MYO3B: variants seen among roughly 807,000 people sequenced by gnomAD.
MYO3B encodes myosin IIIB, also known as myosin-IIIb.
A neutral mutation model predicts 174.6 loss-of-function variants in MYO3B; 156 were observed. The observed-to-expected ratio is 0.89, with a 90% CI of 0.78 to 1.02. MYO3B has a LOEUF of 1.02. Among genes scored for constraint, MYO3B ranks in the 50% least tolerant of loss-of-function variants. MYO3B has a pLI of 0.00. For synonymous variants in MYO3B, 563 were observed against 569.1 expected (o/e 0.99, Z 0.15); for missense variants, 1,632 against 1,639.4 (o/e 1.00, Z 0.08).
At chr2:170,262,779 C>G (rs2093355014) in intron 7 of MYO3B, among the ~76,000 whole-genome samples, 1 of 152,156 alleles carries the variant, frequency 6.6e-6, no homozygotes, top group African/African-American at 2.4e-5. Context: ...CATCTTTGCT[C>G]ACTCCTTTGT....
intron 22 of MYO3B, among the ~76,000 whole-genome samples, chr2:170,434,558 C>T (rs772442077): frequency 6.6e-6 from 1 of 151,968 alleles, no homozygotes; most frequent in African/African-American, 2.4e-5. Context: ...AAGAGAATGA[C>T]GGGTGAGTGC....
intron 1 of MYO3B, among the ~76,000 whole-genome samples, chr2:170,187,275 C>A (rs1463217134): frequency 6.6e-6 from 1 of 151,794 alleles, no homozygotes; most frequent in Non-Finnish European, 1.5e-5. Context: ...CTCTGTTTCC[C>A]AGCCTGTAGT....
At position 170,219,997 on chromosome 2, in the gene MYO3B, A is replaced by G. The variant is rs6750324; in HGVS notation, c.603+2602A>G. Among the ~76,000 whole-genome samples the G allele has an allele frequency of 8.4e-3, 1,282 of 152,132 alleles. 16 individuals are homozygous for G. Among genetic ancestry groups the G allele is most frequent in the African/African-American group, 0.024 (998 of 41,502 alleles). ...TTTGTGGCCGGGTGTGGTGGCTCAT[A>G]CCTGTAATCCCAGCACTTTGGGAGG... On this transcript the variant is annotated intron_variant, in intron 6 of 34. Transcript: ENST00000408978.
At chr2:170,515,788 G>A (rs2106127510) in intron 29 of MYO3B, among the ~76,000 whole-genome samples, 1 of 152,156 alleles carries the variant, frequency 6.6e-6, no homozygotes, top group Admixed American at 6.5e-5. Flanking sequence ...TAGGCAGAGA[G>A]TCTCTGGGTA....
At chr2:170,256,441 A>G (rs1358914655) in intron 7 of MYO3B, among the ~76,000 whole-genome samples, 4 of 152,228 alleles carry the variant, frequency 2.6e-5, no homozygotes, top group Non-Finnish European at 5.9e-5. Context: ...GGACTTCTCA[A>G]CAGATATCTT....
Position 170,221,020 on chromosome 2 carries a change from A to G in MYO3B, c.603+3625A>G, listed in dbSNP as rs535544733. Among the ~76,000 whole-genome samples the G allele has an allele frequency of 2.6e-5, 4 of 152,316 alleles. No homozygotes were observed. The South Asian group carries it at 8.3e-4, about 32-fold the overall frequency. Reference sequence around the variant, plus strand: ...CTCCATAGGAATGTCCACAAGAACAACCTTCCATTTTTCAATTCAATTCAA... The same window carrying G: ...CTCCATAGGAATGTCCACAAGAACAGCCTTCCATTTTTCAATTCAATTCAA... On this transcript the variant is annotated intron_variant, in intron 6 of 34. Coordinates refer to ENST00000408978, the MANE Select transcript of MYO3B (RefSeq NM_138995.5).
At chr2:170,222,606 T>C (rs1434365240) in intron 6 of MYO3B, among the ~76,000 whole-genome samples, 3 of 152,148 alleles carry the variant, frequency 2.0e-5, no homozygotes, top group African/African-American at 7.2e-5. Flanking sequence ...TCTTCACATG[T>C]CCATGACTTC....
At chr2:170,257,509 G>A (rs1173013544) in intron 7 of MYO3B, among the ~76,000 whole-genome samples, 1 of 151,946 alleles carries the variant, frequency 6.6e-6, no homozygotes, top group Non-Finnish European at 1.5e-5. Flanking sequence ...ACAAAATTAA[G>A]GCAGAAATCA....
intron 32 of MYO3B, among the ~76,000 whole-genome samples, chr2:170,623,451 T>C (rs989020325): frequency 1.7e-4 from 26 of 152,246 alleles, no homozygotes; most frequent in African/African-American, 6.3e-4. Flanking sequence ...TTGTTTGAGT[T>C]CTTTGTCGAT....
chr2:170,360,016 C>G (rs1386172388), intron 8 of MYO3B, among the ~76,000 whole-genome samples: 2 of 152,128 alleles, frequency 1.3e-5, no homozygotes, highest in Non-Finnish European at 2.9e-5. Context: ...GGTATTACCC[C>G]AGAAGCTGAT....
intron 9 of MYO3B, among the ~76,000 whole-genome samples, chr2:170,376,151 T>G (rs2094291338): frequency 6.6e-6 from 1 of 152,148 alleles, no homozygotes; most frequent in Non-Finnish European, 1.5e-5. Context: ...ATTTTAAAAT[T>G]TATGCATTGT....
chr2:170,484,021 G>A (rs1241800725), intron 25 of MYO3B, among the ~76,000 whole-genome samples: 3 of 152,198 alleles, frequency 2.0e-5, no homozygotes, highest in African/African-American at 7.2e-5. Flanking sequence ...CCCTGAGCAC[G>A]ATGGTTTAGG....
chr2:170,423,033 A>G (rs1446219241), intron 22 of MYO3B, among the ~76,000 whole-genome samples: 3 of 126,778 alleles, frequency 2.4e-5, no homozygotes, highest in Non-Finnish European at 4.7e-5. Flanking sequence ...CAAGGCTGGA[A>G]TGCAATGGCA....
chr2:170,553,922 T>C (rs1691101556), intron 32 of MYO3B, among the ~76,000 whole-genome samples: 1 of 152,206 alleles, frequency 6.6e-6, no homozygotes, highest in Non-Finnish European at 1.5e-5. Context: ...CTTCCCTCTG[T>C]CCTGCTGACA....
At chr2:170,301,416 T>C (rs1227888286) in intron 7 of MYO3B, among the ~76,000 whole-genome samples, 1 of 152,216 alleles carries the variant, frequency 6.6e-6, no homozygotes, top group Non-Finnish European at 1.5e-5. Flanking sequence ...ATACCTCAGA[T>C]TGTATCGATA....
At chr2:170,522,367 CT>C (rs1247393456) in intron 30 of MYO3B, among the ~76,000 whole-genome samples, 1 of 152,196 alleles carries the variant, frequency 6.6e-6, no homozygotes, top group African/African-American at 2.4e-5. Context: ...GTCTTGTGAC[CT>C]GGCCTTCAAA....
At chr2:170,182,577 T>A (rs1417333541) in intron 1 of MYO3B, among the ~76,000 whole-genome samples, 2 of 151,748 alleles carry the variant, frequency 1.3e-5, no homozygotes, top group Admixed American at 6.6e-5. Flanking sequence ...TATTCTTTTT[T>A]AAAATTTTCA....
intron 7 of MYO3B, among the ~76,000 whole-genome samples, chr2:170,241,368 T>C (rs887644886): frequency 1.3e-5 from 2 of 152,172 alleles, no homozygotes; most frequent in African/African-American, 2.4e-5. Flanking sequence ...TTTATACTTA[T>C]GGAAAAAGAA....
intron 7 of MYO3B, among the ~76,000 whole-genome samples, chr2:170,242,352 T>C (rs974289298): frequency 3.9e-5 from 6 of 152,216 alleles, no homozygotes; most frequent in Non-Finnish European, 7.3e-5. Flanking sequence ...TTTAATGGAT[T>C]GCCTTCAGTA....
Sources: allele counts gnomAD v4.1 joint callset (sites outside exome capture counted in the v4.1 genomes callset), GRCh38; gene constraint gnomAD v4.1.1; transcripts MANE v1.5; gene names NCBI Gene and HGNC (gene_info 2026-07-23, HGNC 2026-07-21).